Variants in NRG3 observed in about 807,000 individuals in gnomAD.
The protein encoded by NRG3 is neuregulin 3.
Under a neutral mutation model 66.9 loss-of-function variants are expected in NRG3, and 31 were observed. The observed-to-expected ratio is 0.46, with a 90% CI of 0.35 to 0.63. NRG3 has a LOEUF of 0.63. Ranked by LOEUF, NRG3 falls within the 20% of genes least tolerant of loss-of-function variation. The pLI is 0.00. For synonymous variants in NRG3, 393 were observed against 359.4 expected, an observed-to-expected ratio of 1.09 and a Z score of -1.06; for missense variants, 910 against 878.9, an observed-to-expected ratio of 1.04 and a Z score of -0.45.
intron 2 of NRG3, among the ~76,000 whole-genome samples, chr10:82,543,285 A>G (rs1434114422): frequency 6.6e-6 from 1 of 152,176 alleles, no homozygotes; most frequent in Non-Finnish European, 1.5e-5. Flanking sequence ...ATTCATATTA[A>G]TGCCCTAATT....
chr10:82,175,913 A>G (rs1376142762), intron 1 of NRG3, among the ~76,000 whole-genome samples: 2 of 152,188 alleles, frequency 1.3e-5, no homozygotes, highest in Non-Finnish European at 2.9e-5. Flanking sequence ...TATAGTTGCA[A>G]TTGTTCCTGT....
At chr10:82,237,068 T>C (rs2076790981) in intron 1 of NRG3, among the ~76,000 whole-genome samples, 1 of 152,116 alleles carries the variant, frequency 6.6e-6, no homozygotes, top group African/African-American at 2.4e-5. Flanking sequence ...TTTCAAAAAC[T>C]CCTAATGATT....
chr10:82,143,281 A>C (rs1371196792), intron 1 of NRG3, among the ~76,000 whole-genome samples: 6 of 152,284 alleles, frequency 3.9e-5, no homozygotes, highest in South Asian at 4.1e-4. Flanking sequence ...ACATAAGTTG[A>C]GGATAATAAG....
At chr10:82,584,539 C>CT (rs2046551796) in intron 2 of NRG3, among the ~76,000 whole-genome samples, 1 of 152,108 alleles carries the variant, frequency 6.6e-6, no homozygotes, top group African/African-American at 2.4e-5. Context: ...TGAGTAAAAC[C>CT]TTACTTTGAA....
chr10:82,088,992 A>AT (rs397846769), intron 1 of NRG3, among the ~76,000 whole-genome samples: 4,963 of 148,104 alleles, frequency 0.034, 237 homozygotes, highest in African/African-American at 0.1. Flanking sequence ...AGCAGAGAAG[A>AT]TTTTTTTTTT....
chr10:82,769,176 C>T (rs371673131), intron 3 of NRG3, among the ~76,000 whole-genome samples: 4 of 152,006 alleles, frequency 2.6e-5, no homozygotes, highest in African/African-American at 9.7e-5. Context: ...TATGTTTTTG[C>T]CATTAGAAGT....
In NRG3 at chr10:82,963,410, G is replaced by T. The variant is rs569274590; in HGVS notation, c.1284+4335G>T. 1.3e-4 allele frequency among the ~76,000 whole-genome samples: 20 copies of T among 152,348 alleles called. No individual in the cohort carries two copies. In the South Asian group the frequency reaches 3.5e-3, roughly 27 times the overall value. On this transcript the variant is annotated intron_variant, in intron 6 of 8. Transcript: ENST00000372141. ...AAGAATTTGCATTAGGCCGGGCGCG[G>T]TGGCTCACGCCTGTAATCCCAGCAC...
intron 1 of NRG3, among the ~76,000 whole-genome samples, chr10:82,216,745 A>G (rs1212652772): frequency 6.6e-6 from 1 of 152,190 alleles, no homozygotes; most frequent in East Asian, 1.9e-4. Flanking sequence ...GAAAATAATC[A>G]TCTCTGGTGA....
chr10:81,926,588 G>A (rs1259024496), intron 1 of NRG3, among the ~76,000 whole-genome samples: 2 of 152,100 alleles, frequency 1.3e-5, no homozygotes, highest in African/African-American at 4.8e-5. Context: ...CATGACAAGT[G>A]TTTGTGTAAT....
At chr10:82,160,565 G>A (rs1004516008) in intron 1 of NRG3, among the ~76,000 whole-genome samples, 2 of 151,862 alleles carry the variant, frequency 1.3e-5, no homozygotes, top group Admixed American at 6.6e-5. Flanking sequence ...GAGTGCAGTG[G>A]TGCAATGGAA....
chr10:82,265,284 G>C (rs1341030103), intron 1 of NRG3, among the ~76,000 whole-genome samples: 1 of 152,150 alleles, frequency 6.6e-6, no homozygotes, highest in Admixed American at 6.5e-5. Context: ...AACCCAACTT[G>C]GGATTTTGAC....
chr10:81,918,142 T>A (rs969037786), intron 1 of NRG3, among the ~76,000 whole-genome samples: 1 of 152,254 alleles, frequency 6.6e-6, no homozygotes, highest in Admixed American at 6.5e-5. Context: ...AAGAAGCAGC[T>A]CTGTGAAATA....
At chr10:81,890,413 AT>A (rs1282148133) in intron 1 of NRG3, among the ~76,000 whole-genome samples, 1 of 152,208 alleles carries the variant, frequency 6.6e-6, no homozygotes, top group African/African-American at 2.4e-5. Context: ...TAAGTATTTT[AT>A]TTGAGCACTG....
At chr10:82,427,835 G>A (rs1007909886) in intron 2 of NRG3, among the ~76,000 whole-genome samples, 1 of 151,894 alleles carries the variant, frequency 6.6e-6, no homozygotes, top group Non-Finnish European at 1.5e-5. Context: ...TGTCATCTGG[G>A]CTTGGTCTTT....
chr10:82,347,796 G>T (rs2083131530), intron 1 of NRG3, among the ~76,000 whole-genome samples: 1 of 152,066 alleles, frequency 6.6e-6, no homozygotes, highest in African/African-American at 2.4e-5. Flanking sequence ...TCTTCTTGTT[G>T]AATTGATCCC....
At chr10:82,510,210 A>G (rs1330425898) in intron 2 of NRG3, among the ~76,000 whole-genome samples, 1 of 152,158 alleles carries the variant, frequency 6.6e-6, no homozygotes, top group African/African-American at 2.4e-5. Flanking sequence ...CATTCCAATG[A>G]TATCTATTTC....
chr10:82,825,679 C>T (rs1394813802), intron 3 of NRG3, among the ~76,000 whole-genome samples: 1 of 152,130 alleles, frequency 6.6e-6, no homozygotes, highest in South Asian at 2.1e-4. Context: ...AAAGCACAGG[C>T]AAATTGACAT....
chr10:81,972,107 G>A (rs1464632665), intron 1 of NRG3, among the ~76,000 whole-genome samples: 3 of 152,274 alleles, frequency 2.0e-5, no homozygotes, highest in South Asian at 2.1e-4. Flanking sequence ...TGCCTTAGTT[G>A]TGGAGACTAA....
intron 3 of NRG3, among the ~76,000 whole-genome samples, chr10:82,784,855 G>T (rs1044253197): frequency 4.6e-5 from 7 of 152,038 alleles, no homozygotes; most frequent in African/African-American, 1.7e-4. Context: ...CCATTACTGG[G>T]TATATACCCA....
Sources: allele counts gnomAD v4.1 joint callset (sites outside exome capture counted in the v4.1 genomes callset), GRCh38; gene constraint gnomAD v4.1.1; transcripts MANE v1.5; gene names NCBI Gene and HGNC (gene_info 2026-07-23, HGNC 2026-07-21).